CAAP1: variants seen among roughly 807,000 people sequenced by gnomAD.
CAAP1 encodes the protein caspase activity and apoptosis inhibitor 1, also known as conserved anti-apoptotic protein.
Under a neutral mutation model 34.0 loss-of-function variants are expected in CAAP1, and 20 were observed. That is an observed-to-expected ratio of 0.59 (90% CI 0.41 to 0.86). CAAP1 has a LOEUF of 0.86. CAAP1 is among the 40% of genes least tolerant of loss of function. CAAP1 has a pLI of 0.00. For missense variants in CAAP1, 538 were observed against 450.5 expected, an observed-to-expected ratio of 1.19 and a Z score of -1.76; for synonymous variants, 213 against 166.7, an observed-to-expected ratio of 1.28 and a Z score of -2.14.
At chr9:26,887,602 ATTC>A (rs1243422559) in intron 1 of CAAP1, 89 bp from the exon 2 acceptor site, 33 of 778,278 alleles carry the variant, frequency 4.2e-5, no homozygotes, top group East Asian at 8.4e-5. Context: ...CATTTAATAA[ATTC>A]TTCTTCATCA....
intron 4 of CAAP1, among the ~76,000 whole-genome samples, chr9:26,864,836 C>T (rs1823093855): frequency 6.6e-6 from 1 of 152,160 alleles, no homozygotes; most frequent in Non-Finnish European, 1.5e-5. Flanking sequence ...TGCTATCTAC[C>T]ATTTTAGGTC....
At chr9:26,854,381 G>A (rs1822820459) in intron 5 of CAAP1, among the ~76,000 whole-genome samples, 1 of 152,142 alleles carries the variant, frequency 6.6e-6, no homozygotes, top group Non-Finnish European at 1.5e-5. Context: ...ACCCAAGTAA[G>A]TTTCCAAAAC....
chr9:26,880,094 C>G (rs1396837343), intron 4 of CAAP1: 3 of 148,492 alleles, frequency 2.0e-5, no homozygotes, highest in African/African-American at 5.9e-5. Context: ...GAAAAAAATC[C>G]GGGGGGGGGG....
At chr9:26,849,294 A>T (rs144136603) in intron 5 of CAAP1, among the ~76,000 whole-genome samples, 16 of 152,286 alleles carry the variant, frequency 1.1e-4, no homozygotes, top group Non-Finnish European at 2.1e-4. Flanking sequence ...CTCCTTTCTC[A>T]TAAGCTATTT....
At chr9:26,872,351 C>T (rs1823298749) in intron 4 of CAAP1, among the ~76,000 whole-genome samples, 1 of 152,044 alleles carries the variant, frequency 6.6e-6, no homozygotes, top group South Asian at 2.1e-4. Context: ...AACTGTTAAA[C>T]AATGTACTAA....
chr9:26,867,531 G>A (rs1283460174), intron 4 of CAAP1, among the ~76,000 whole-genome samples: 2 of 152,048 alleles, frequency 1.3e-5, no homozygotes, highest in African/African-American at 4.8e-5. Flanking sequence ...GCTATGTGGG[G>A]GGATTTTCTT....
intron 4 of CAAP1, among the ~76,000 whole-genome samples, chr9:26,882,654 A>G (rs1026004059): frequency 6.6e-6 from 1 of 152,174 alleles, no homozygotes; most frequent in Non-Finnish European, 1.5e-5. Context: ...TGGAGCTGTG[A>G]GAAGAGGGCC....
chr9:26,883,116 T>G (rs1186428361), intron 4 of CAAP1, among the ~76,000 whole-genome samples: 1 of 152,082 alleles, frequency 6.6e-6, no homozygotes, highest in Non-Finnish European at 1.5e-5. Flanking sequence ...CTGAAATGAG[T>G]TAAGACTTTG....
chr9:26,886,143 C>G lies in CAAP1; in HGVS notation c.550G>C (p.Glu184Gln), dbSNP rs750239289. The change falls in exon 3 of 6, where the codon GAG (glutamate) becomes CAG (glutamine). Residue 184 changes from glutamate to glutamine, a missense_variant. Physicochemically the swap from Glu to Gln is conservative, Grantham distance 29 (BLOSUM62 2). Coordinates refer to ENST00000333916, the MANE Select transcript of CAAP1 (RefSeq NM_024828.4). ...EIKKLCQEQL[E>Q]LLSEKKILKI... ...AAAATTTTTTTTTCAGACAGGAGCT[C>G]TAACTGTTCCTGGCATAGTTTTTTA... 6.4e-7 allele frequency: 1 copy of G among 1,556,336 alleles called. No homozygotes were observed. The highest frequency in any genetic ancestry group is 8.7e-7 in the Non-Finnish European group (1 of 1,156,036).
At chr9:26,867,094 T>C (rs893848939) in intron 4 of CAAP1, among the ~76,000 whole-genome samples, 4 of 152,204 alleles carry the variant, frequency 2.6e-5, no homozygotes, top group African/African-American at 7.2e-5. Context: ...ATGCTCCTTA[T>C]GAGAATCTAA....
chr9:26,871,409 C>T (rs942765459), intron 4 of CAAP1, among the ~76,000 whole-genome samples: 31 of 151,972 alleles, frequency 2.0e-4, no homozygotes, highest in African/African-American at 7.0e-4. Context: ...GAAACCCTGT[C>T]TCTACTAAAA....
chr9:26,849,960 T>C (rs1487339441), intron 5 of CAAP1, among the ~76,000 whole-genome samples: 2 of 151,934 alleles, frequency 1.3e-5, no homozygotes, highest in Non-Finnish European at 2.9e-5. Context: ...TGCCTCAGCC[T>C]CGCGAGTAGC....
rs762245795 is a variant in CAAP1 at position 26,892,524 on chromosome 9, G to A, written c.192C>T (p.Val64=). Residue 64 remains valine (V), a synonymous_variant, in exon 1 of 6, where the codon GTC becomes GTT. Coordinates refer to ENST00000333916, the MANE Select transcript of CAAP1 (RefSeq NM_024828.4). Reference sequence around the variant, plus strand: ...AGCTGCCGCCGCTCCCACCGCCGGTGACACTTCCACTAAAATTGGCGTTCC... The same window carrying A: ...AGCTGCCGCCGCTCCCACCGCCGGTAACACTTCCACTAAAATTGGCGTTCC... ...CCGNANFSGS[V]TGGGSGGSCW... 2 of 1,573,246 alleles carry A rather than the reference G, an allele frequency of 1.3e-6. No homozygotes were observed. Among genetic ancestry groups the A allele is most frequent in the South Asian group, 1.1e-5 (1 of 87,178 alleles).
At chr9:26,892,336 G>A (rs1823924565) in intron 1 of CAAP1, 77 bp downstream of exon 1, 1 of 1,569,054 alleles carries the variant, frequency 6.4e-7, no homozygotes, top group African/African-American at 1.3e-5. Context: ...TCCAGCCTGC[G>A]CCCCATCCCT....
rs1241780924 is a variant in CAAP1, at chr9:26,887,457, A to C, written c.360T>G (p.Ser120Arg). 1 of 1,613,334 alleles carries C rather than the reference A, an allele frequency of 6.2e-7. No homozygotes were observed. The highest frequency in any genetic ancestry group is 8.5e-7 in the Non-Finnish European group (1 of 1,179,860). The change falls in exon 2 of 6, where the codon AGT becomes AGG. Residue 120 changes from serine (S) to arginine (R), a missense_variant. Coordinates refer to ENST00000333916, the MANE Select transcript of CAAP1 (RefSeq NM_024828.4). ...GGTCCAGTCCACCTTCTTCAAGGTCACTGTGCTCTGCCAAGAATAATTCTT... is the reference window on the plus strand; with the variant it reads ...GGTCCAGTCCACCTTCTTCAAGGTCCCTGTGCTCTGCCAAGAATAATTCTT... The part of the protein sequence containing the change: ...LEKELFLAEH[S>R]DLEEGGLDLT...
chr9:26,849,707 T>A (rs1587090006), intron 5 of CAAP1, among the ~76,000 whole-genome samples: 1 of 152,234 alleles, frequency 6.6e-6, no homozygotes, highest in African/African-American at 2.4e-5. Context: ...AGGTATTTTT[T>A]AAAAAGCTTA....
At position 26,842,293 on chromosome 9, in the gene CAAP1, T is replaced by A. The variant is rs777306860; in HGVS notation, c.*8A>T. ...AACATACCTAAAATTCAAAATCAAGTTAAATACCTAGGCTGGCTTTTTTAT... is the reference window on the plus strand; with the variant it reads ...AACATACCTAAAATTCAAAATCAAGATAAATACCTAGGCTGGCTTTTTTAT... On this transcript the variant is annotated 3_prime_UTR_variant, in exon 6 of 6. Transcript: ENST00000333916. The A allele has an allele frequency of 4.5e-6, 7 of 1,539,238 alleles. No individual in the cohort carries two copies. The highest frequency in any genetic ancestry group is 6.1e-6 in the Non-Finnish European group (7 of 1,146,666).
At chr9:26,863,906 C>T (rs1823065781) in intron 4 of CAAP1, among the ~76,000 whole-genome samples, 1 of 151,946 alleles carries the variant, frequency 6.6e-6, no homozygotes, top group African/African-American at 2.4e-5. Context: ...ATCTTCCTAC[C>T]TCAGCCTCCC....
At chr9:26,884,590 T>G (rs1457426296) in intron 4 of CAAP1, among the ~76,000 whole-genome samples, 1 of 152,172 alleles carries the variant, frequency 6.6e-6, no homozygotes. Context: ...TGTATCTATG[T>G]GGAGTAGTTT....
Sources: gnomAD v4.1 joint callset for allele counts (sites outside exome capture counted in the v4.1 genomes callset) on GRCh38, gnomAD v4.1.1 for gene constraint, MANE v1.5 for transcripts, NCBI Gene and HGNC (gene_info 2026-07-23, HGNC 2026-07-21) for gene names.